Variants in PLCL1 observed in about 807,000 individuals in gnomAD.
The protein encoded by PLCL1 is inactive phospholipase C-like protein 1.
PLCL1 carries 41 observed loss-of-function variants against 84.4 expected under a neutral mutation model. That is an observed-to-expected ratio of 0.49 (90% CI 0.38 to 0.63). PLCL1 has a LOEUF of 0.63. Ranked by LOEUF, PLCL1 falls within the 30% of genes least tolerant of loss-of-function variation. The pLI, the probability that PLCL1 is intolerant of heterozygous loss-of-function variation, is 0.00. For missense variants in PLCL1, 1,206 were observed against 1,367.8 expected (o/e 0.88, Z 1.87); for synonymous variants, 490 against 488.3 (o/e 1.00, Z -0.05).
At chr2:198,089,140 T>C in intron 3 of PLCL1, 79 bp downstream of exon 3, 1 of 1,006,916 alleles carries the variant, frequency 9.9e-7, no homozygotes, top group South Asian at 1.3e-5. Context: ...TCTGTGGAAC[T>C]CCAATGAATA....
chr2:197,814,457 C>G (rs1690649183), intron 1 of PLCL1, among the ~76,000 whole-genome samples: 1 of 152,142 alleles, frequency 6.6e-6, no homozygotes, highest in Non-Finnish European at 1.5e-5. Flanking sequence ...GCTCCACTGA[C>G]CTGCCGTTGT....
chr2:197,847,472 G>T (rs556158413), intron 1 of PLCL1, among the ~76,000 whole-genome samples: 2 of 152,078 alleles, frequency 1.3e-5, no homozygotes, highest in Admixed American at 1.3e-4. Flanking sequence ...ATACAAAAAG[G>T]TAACTGTAGT....
At chr2:197,809,402 G>C (rs568823596) in intron 1 of PLCL1, among the ~76,000 whole-genome samples, 1 of 152,188 alleles carries the variant, frequency 6.6e-6, no homozygotes, top group Non-Finnish European at 1.5e-5. Flanking sequence ...GAAACAGCCC[G>C]AACACGTGAG....
chr2:198,123,327 G>A (rs1227766707), intron 5 of PLCL1, among the ~76,000 whole-genome samples: 1 of 152,020 alleles, frequency 6.6e-6, no homozygotes, highest in African/African-American at 2.4e-5. Flanking sequence ...GGACTTGATG[G>A]TGTCCCCTTC....
chr2:197,857,686 T>C (rs1687355564), intron 1 of PLCL1, among the ~76,000 whole-genome samples: 1 of 152,170 alleles, frequency 6.6e-6, no homozygotes. Flanking sequence ...CACAGAATGA[T>C]TAATTACAAG....
chr2:197,877,821 C>G (rs1283408629), intron 1 of PLCL1, among the ~76,000 whole-genome samples: 2 of 152,118 alleles, frequency 1.3e-5, no homozygotes, highest in African/African-American at 4.8e-5. Flanking sequence ...TAACAGAGTT[C>G]TCAAATGAGG....
intron 1 of PLCL1, among the ~76,000 whole-genome samples, chr2:198,078,663 T>C (rs1177639633): frequency 6.6e-6 from 1 of 152,132 alleles, no homozygotes; most frequent in Non-Finnish European, 1.5e-5. Context: ...TTTCTAGTCT[T>C]TAGAGTTGTG....
Position 197,805,270 on chromosome 2 carries a change from C to T in PLCL1, c.171C>T (p.Thr57=). 2 of 1,279,936 alleles carry T rather than the reference C, an allele frequency of 1.6e-6. No individual in the cohort carries two copies. The highest frequency in any genetic ancestry group is 2.0e-6 in the Non-Finnish European group (2 of 1,014,972). 79.3% of individuals were successfully genotyped at this position (1,279,936 alleles called of 1,614,324 possible). A position where few individuals can be genotyped will look rare whatever the true frequency, so the allele number is the denominator to read the frequency against. The change falls in exon 1 of 6, where the codon ACC becomes ACT. Residue 57 remains threonine, a synonymous_variant. Transcript: ENST00000428675. The surrounding 1 kb of genome is among the most constrained non-coding windows in gnomAD (Gnocchi z 4.0). ...SGVALPGAAG[T]PADSEAGLLE... is the part of the protein sequence containing the mutation. The stretch of plus-strand genomic sequence containing the variant: ...TCGCACTGCCAGGCGCCGCGGGGAC[C>T]CCAGCGGACAGCGAGGCGGGCCTCC...
At chr2:197,908,768 T>C (rs1462878077) in intron 1 of PLCL1, among the ~76,000 whole-genome samples, 1 of 152,222 alleles carries the variant, frequency 6.6e-6, no homozygotes, top group Non-Finnish European at 1.5e-5. Flanking sequence ...GAGGTGATAT[T>C]GTCTGAAATA....
chr2:197,963,808 G>A (rs751279768), intron 1 of PLCL1, among the ~76,000 whole-genome samples: 16 of 152,016 alleles, frequency 1.1e-4, no homozygotes, highest in East Asian at 1.9e-4. Flanking sequence ...GCATGTGGAT[G>A]GCTATCCAGT....
intron 1 of PLCL1, among the ~76,000 whole-genome samples, chr2:197,941,113 A>G (rs1173258592): frequency 6.6e-6 from 1 of 152,178 alleles, no homozygotes; most frequent in Non-Finnish European, 1.5e-5. Context: ...TAAACTAGAC[A>G]TCTATACCAA....
At chr2:197,923,978 A>G (rs1272456861) in intron 1 of PLCL1, among the ~76,000 whole-genome samples, 1 of 151,712 alleles carries the variant, frequency 6.6e-6, no homozygotes, top group Non-Finnish European at 1.5e-5. Flanking sequence ...CAACACAGCG[A>G]AACCCCGTCT....
intron 1 of PLCL1, among the ~76,000 whole-genome samples, chr2:197,974,541 A>T (rs1313997414): frequency 6.6e-6 from 1 of 152,234 alleles, no homozygotes; most frequent in Non-Finnish European, 1.5e-5. Flanking sequence ...GCTAATTTGC[A>T]AGTACTGATG....
At chr2:197,997,271 G>T (rs1378147980) in intron 1 of PLCL1, among the ~76,000 whole-genome samples, 1 of 152,208 alleles carries the variant, frequency 6.6e-6, no homozygotes, top group Non-Finnish European at 1.5e-5. Context: ...GCTGGTATCT[G>T]CTTCTTTGTT....
At chr2:198,030,875 A>C (rs778015823) in intron 1 of PLCL1, among the ~76,000 whole-genome samples, 6 of 152,166 alleles carry the variant, frequency 3.9e-5, no homozygotes, top group Non-Finnish European at 7.4e-5. Context: ...GAGTGTTGTA[A>C]TATAGAAGGC....
intron 1 of PLCL1, among the ~76,000 whole-genome samples, chr2:197,993,683 T>A (rs1318738872): frequency 6.6e-6 from 1 of 152,142 alleles, no homozygotes; most frequent in African/African-American, 2.4e-5. Context: ...TGTCAACTTC[T>A]CTAGAACCTG....
rs1430451609 is a variant in PLCL1 at position 198,083,782 on chromosome 2, G to A, written c.265G>A (p.Gly89Arg). 2.3e-5 allele frequency: 37 copies of A among 1,584,132 alleles called. No individual in the cohort carries two copies. Among genetic ancestry groups the A allele is most frequent in the Non-Finnish European group, 3.2e-5 (37 of 1,166,946 alleles). The change falls in exon 2 of 6, where the codon GGA becomes AGA. Residue 89 changes from glycine (G) to arginine (R), a missense_variant. Physicochemically the swap from Gly to Arg is moderately radical, Grantham distance 125 (BLOSUM62 -2). Coordinates refer to ENST00000428675, the MANE Select transcript of PLCL1 (RefSeq NM_006226.4). ...IKDPSNQKCG[G>R]RKKTVSFSSM... The stretch of plus-strand genomic sequence containing the variant: ...GGATCCTTCAAACCAAAAATGTGGT[G>A]GAAGAAAGAAAACCGTGTCTTTCAG...
intron 1 of PLCL1, among the ~76,000 whole-genome samples, chr2:198,008,048 T>C (rs1250682893): frequency 6.6e-6 from 1 of 152,100 alleles, no homozygotes; most frequent in African/African-American, 2.4e-5. Flanking sequence ...CTATTCCACG[T>C]TGAGATTGTT....
In PLCL1 at chr2:198,044,261, T is replaced by C. The variant is rs553774543; in HGVS notation, c.241-39497T>C. ...AACTACCCTCTTGCTGAACTCAACC[T>C]TGGGTTTCTACAGTGTTACTGAAAC... On this transcript the variant is annotated intron_variant, in intron 1 of 5. Coordinates refer to ENST00000428675, the MANE Select transcript of PLCL1 (RefSeq NM_006226.4). Among the ~76,000 whole-genome samples the C allele has an allele frequency of 2.0e-4, 30 of 152,340 alleles. 1 individual carries two copies. In the East Asian group the frequency reaches 5.8e-3, roughly 29 times the overall value.
Sources: gnomAD v4.1 joint callset for allele counts (sites outside exome capture counted in the v4.1 genomes callset) on GRCh38, gnomAD v4.1.1 for gene constraint, Gnocchi (gnomAD v3.1) non-coding constraint, MANE v1.5 for transcripts, NCBI Gene and HGNC (gene_info 2026-07-23, HGNC 2026-07-21) for gene names.